Variants in PADI3 observed in about 807,000 individuals in gnomAD.
The protein encoded by PADI3 is protein-arginine deiminase type-3.
Under a neutral mutation model 71.5 loss-of-function variants are expected in PADI3, and 53 were observed. The ratio of observed to expected loss-of-function variants is 0.74; its 90% CI spans 0.59 to 0.93. The LOEUF (loss-of-function observed/expected upper bound fraction) is 0.93, where lower values mean the gene tolerates loss of function less well. Among genes scored for constraint, PADI3 ranks in the 40% least tolerant of loss-of-function variants. PADI3 has a pLI of 0.00. For synonymous variants in PADI3, 361 were observed against 347.5 expected (o/e 1.04, Z -0.43); for missense variants, 821 against 868.0 (o/e 0.95, Z 0.68).
chr1:17,264,028 A>G lies in PADI3; in HGVS notation c.347-1631A>G, dbSNP rs151259621. Among the ~76,000 whole-genome samples the G allele has an allele frequency of 6.6e-3, 1,007 of 152,326 alleles. 12 individuals carry two copies. The highest frequency in any genetic ancestry group is 0.023 in the African/African-American group (944 of 41,566). On this transcript the variant is annotated intron_variant, in intron 3 of 15. Coordinates refer to ENST00000375460, the MANE Select transcript of PADI3 (RefSeq NM_016233.2). Reference sequence around the variant, plus strand: ...TTTTTAGAAGCAGAACTTCTAGGTTATAGAGAATCTATATTTTTTAACTTG... The same window carrying G: ...TTTTTAGAAGCAGAACTTCTAGGTTGTAGAGAATCTATATTTTTTAACTTG...
chr1:17,258,736 G>A (rs530622418), intron 1 of PADI3, among the ~76,000 whole-genome samples: 26 of 152,374 alleles, frequency 1.7e-4, no homozygotes, highest in Non-Finnish European at 2.5e-4. Context: ...AGGGAGCTGC[G>A]TGCGCCAGGT....
intron 11 of PADI3, among the ~76,000 whole-genome samples, chr1:17,275,582 G>A (rs955279329): frequency 6.6e-6 from 1 of 152,238 alleles, no homozygotes; most frequent in South Asian, 2.1e-4. Flanking sequence ...AGAGAAGTGA[G>A]GTACAAGACA....
At chr1:17,260,283 G>A (rs1020247766) in intron 2 of PADI3, among the ~76,000 whole-genome samples, 2 of 152,156 alleles carry the variant, frequency 1.3e-5, no homozygotes, top group Non-Finnish European at 1.5e-5. Flanking sequence ...CTCTCTTCCT[G>A]ACCCTATTTG....
chr1:17,259,848 G>A (rs1187904668), intron 2 of PADI3, 90 bp downstream of exon 2: 2 of 1,167,838 alleles, frequency 1.7e-6, no homozygotes, highest in Non-Finnish European at 2.4e-6. Context: ...TCTCCAGAGC[G>A]CAGGGCAACA....
Position 17,280,414 on chromosome 1 carries a change from C to T in PADI3, c.1620C>T (p.Tyr540=). Residue 540 remains tyrosine (Y), a synonymous_variant, in exon 14 of 16, where the codon TAC becomes TAT. Coordinates refer to ENST00000375460, the MANE Select transcript of PADI3 (RefSeq NM_016233.2). ...TCTCCAATAAAGACCTCATCAACTACAATAAGTTTGTGCAGGTACAAGGGC... is the reference window on the plus strand; with the variant it reads ...TCTCCAATAAAGACCTCATCAACTATAATAAGTTTGTGCAGGTACAAGGGC... ...QVLSNKDLIN[Y]NKFVQSCIDW... 3 of 1,613,796 alleles carry T rather than the reference C, an allele frequency of 1.9e-6. No homozygotes were observed. The highest frequency in any genetic ancestry group is 2.5e-6 in the Non-Finnish European group (3 of 1,179,676).
rs552958108 is a variant in PADI3, at chr1:17,259,220, C to G, written c.93-358C>G. Among the ~76,000 whole-genome samples the G allele has an allele frequency of 7.9e-5, 12 of 152,340 alleles. No individual in the cohort carries two copies. In the South Asian group the frequency reaches 2.1e-3, roughly 26 times the overall value. ...CAGTAGCTGGGATTACAGGCATATGCTACCACGCCTGGCTATTTTCTTGTA... is the reference window on the plus strand; with the variant it reads ...CAGTAGCTGGGATTACAGGCATATGGTACCACGCCTGGCTATTTTCTTGTA... On this transcript the variant is annotated intron_variant, in intron 1 of 15. Coordinates refer to ENST00000375460, the MANE Select transcript of PADI3 (RefSeq NM_016233.2).
intron 15 of PADI3, among the ~76,000 whole-genome samples, chr1:17,282,464 C>G (rs1328301402): frequency 6.6e-6 from 1 of 152,152 alleles, no homozygotes; most frequent in African/African-American, 2.4e-5. Flanking sequence ...CTAGACGCTC[C>G]CATTGTCAGT....
chr1:17,267,787 C>T (rs1324988621), intron 5 of PADI3, 50 bp from the exon 6 acceptor site: 5 of 1,601,432 alleles, frequency 3.1e-6, no homozygotes, highest in Non-Finnish European at 4.3e-6. Flanking sequence ...GAGGAAGGGG[C>T]CAGGGGCCAG....
At chr1:17,282,655 C>A (rs899787921) in intron 15 of PADI3, among the ~76,000 whole-genome samples, 191 bp from the exon 16 acceptor site, 1 of 152,242 alleles carries the variant, frequency 6.6e-6, no homozygotes, top group African/African-American at 2.4e-5. Context: ...GTGAGTTCTG[C>A]GGATGCTCCC....
At position 17,273,250 on chromosome 1, in the gene PADI3, G is replaced by A. The variant is rs965347261; in HGVS notation, c.1048-90G>A. On this transcript the variant is annotated intron_variant, in intron 9 of 15. Transcript: ENST00000375460. ...ATGCTTGGGCCAGGGGACTTGGTGAGCAGTCTGCCCCACAGGGCTCAGAGC... is the reference window on the plus strand; with the variant it reads ...ATGCTTGGGCCAGGGGACTTGGTGAACAGTCTGCCCCACAGGGCTCAGAGC... 8 of 942,108 alleles carry A rather than the reference G, an allele frequency of 8.5e-6. No homozygotes were observed. In the Admixed American group the frequency reaches 1.4e-4, roughly 17 times the overall value. The allele number at this position is 942,108 out of a possible 1,614,324, so 58.4% of individuals were successfully genotyped here. A position where few individuals can be genotyped will look rare whatever the true frequency, so the allele number is the denominator to read the frequency against.
At chr1:17,272,473 A>G (rs146665793) in intron 9 of PADI3, among the ~76,000 whole-genome samples, 1 of 151,970 alleles carries the variant, frequency 6.6e-6, no homozygotes, top group Admixed American at 6.5e-5. Context: ...AATATTTTTT[A>G]ATTTTTATTT....
chr1:17,266,265 G>A lies in PADI3; in HGVS notation c.409-454G>A, dbSNP rs76489448. Among the ~76,000 whole-genome samples the A allele has an allele frequency of 7.6e-3, 1,150 of 152,304 alleles. 18 individuals are homozygous for A. The highest frequency in any genetic ancestry group is 0.026 in the African/African-American group (1,085 of 41,556). On this transcript the variant is annotated intron_variant, in intron 4 of 15. Transcript: ENST00000375460. ...TTGGGACTGAATTATGTTGGAACTT[G>A]GTGCCCTGGGAGTTAAGAGGAGAAG...
chr1:17,262,999 C>G (rs1031066397), intron 3 of PADI3, among the ~76,000 whole-genome samples: 1 of 152,194 alleles, frequency 6.6e-6, no homozygotes, highest in Non-Finnish European at 1.5e-5. Context: ...ACCGCAACCT[C>G]CGCCTCCTGG....
At position 17,283,150 on chromosome 1, in the gene PADI3, C is replaced by G; in HGVS notation, c.*71C>G. The G allele has an allele frequency of 5.0e-6, 6 of 1,201,380 alleles. No homozygotes were observed. Among genetic ancestry groups the G allele is most frequent in the Non-Finnish European group, 7.3e-6 (6 of 822,380 alleles). 74.4% of individuals were successfully genotyped at this position (1,201,380 alleles called of 1,614,324 possible). ...CCAGGTGGTGGAGACAGAGACAGGCCCCTGAACGATAAGCACCAAGAGACC... is the reference window on the plus strand; with the variant it reads ...CCAGGTGGTGGAGACAGAGACAGGCGCCTGAACGATAAGCACCAAGAGACC... On this transcript the variant is annotated 3_prime_UTR_variant, in exon 16 of 16. Coordinates refer to ENST00000375460, the MANE Select transcript of PADI3 (RefSeq NM_016233.2).
intron 2 of PADI3, among the ~76,000 whole-genome samples, chr1:17,260,625 C>G (rs146625568): frequency 1.7e-3 from 264 of 152,284 alleles, no homozygotes; most frequent in Middle Eastern, 3.4e-3. Flanking sequence ...CAGTGCAGAC[C>G]CCTGGGGGCA....
intron 2 of PADI3, among the ~76,000 whole-genome samples, chr1:17,260,074 C>G (rs1281862601): frequency 6.6e-6 from 1 of 152,164 alleles, no homozygotes; most frequent in Non-Finnish European, 1.5e-5. Context: ...CTTCCCAAGA[C>G]CCCCTGGAGA....
chr1:17,278,973 G>A lies in PADI3; in HGVS notation c.1556-1377G>A, dbSNP rs775257423. Among the ~76,000 whole-genome samples, 16 of 152,150 alleles carry A rather than the reference G, an allele frequency of 1.1e-4. 1 individual carries two copies. Among genetic ancestry groups the A allele is most frequent in the South Asian group, 2.1e-4 (1 of 4,832 alleles). On this transcript the variant is annotated intron_variant, in intron 13 of 15. Transcript: ENST00000375460. Reference sequence around the variant, plus strand: ...TTTCTTGACCCTGTTGCTCCCAAACGCACCCTAACTAGACTCCGGTGAACC... The same window carrying A: ...TTTCTTGACCCTGTTGCTCCCAAACACACCCTAACTAGACTCCGGTGAACC...
intron 1 of PADI3, among the ~76,000 whole-genome samples, chr1:17,257,633 G>A (rs1035644021): frequency 1.3e-5 from 2 of 152,358 alleles, no homozygotes; most frequent in Admixed American, 6.5e-5. Context: ...ATGGAGAGAA[G>A]CTTGGGCTTG....
chr1:17,281,598 G>C (rs1419162318), intron 15 of PADI3, among the ~76,000 whole-genome samples: 1 of 151,986 alleles, frequency 6.6e-6, no homozygotes, highest in Non-Finnish European at 1.5e-5. Context: ...GATTGCAGGC[G>C]TGCACCACCA....
Sources: gnomAD v4.1 joint callset for allele counts (sites outside exome capture counted in the v4.1 genomes callset) on GRCh38, gnomAD v4.1.1 for gene constraint, MANE v1.5 for transcripts, NCBI Gene and HGNC (gene_info 2026-07-23, HGNC 2026-07-21) for gene names.